The following MRPL42 variants were observed in gnomAD, a reference collection of about 807,000 sequenced individuals.
MRPL42 encodes mitochondrial ribosomal protein L42.
In MRPL42, 17 loss-of-function variants were observed where a neutral mutation model predicts 17.9. The observed-to-expected ratio is 0.95, with a 90% CI of 0.65 to 1.42. MRPL42 has a LOEUF of 1.42. Among genes scored for constraint, MRPL42 ranks in the 40% most tolerant of loss-of-function variants. The pLI is 0.00. For missense variants in MRPL42, 177 were observed against 175.2 expected, an observed-to-expected ratio of 1.01 and a Z score of -0.06; for synonymous variants, 59 against 54.4, an observed-to-expected ratio of 1.08 and a Z score of -0.37.
At chr12:93,491,456 G>T (rs1020811614) in intron 5 of MRPL42, among the ~76,000 whole-genome samples, 2 of 152,094 alleles carry the variant, frequency 1.3e-5, no homozygotes, top group African/African-American at 2.4e-5. Context: ...AAAGCAAATT[G>T]GTTGTCTTAT....
intron 4 of MRPL42, among the ~76,000 whole-genome samples, chr12:93,483,569 G>A (rs1275601641): frequency 6.6e-6 from 1 of 152,146 alleles, no homozygotes; most frequent in Non-Finnish European, 1.5e-5. Context: ...AAGATAAAAT[G>A]TAATATACCT....
intron 4 of MRPL42, 104 bp from the exon 5 acceptor site, chr12:93,487,393 C>T (rs1880794654): frequency 2.9e-6 from 3 of 1,044,598 alleles, no homozygotes; most frequent in Non-Finnish European, 4.2e-6. Flanking sequence ...CCCTAAAGTA[C>T]TATAGTGAAT....
Position 93,507,554 on chromosome 12 carries a change from C to T in MRPL42, c.*6333C>T, listed in dbSNP as rs1157596154. 1 of 152,176 alleles carries T rather than the reference C, an allele frequency of 6.6e-6. No homozygotes were observed. 9.4% of individuals were successfully genotyped at this position (152,176 alleles called of 1,614,324 possible). On this transcript the variant is annotated 3_prime_UTR_variant, in exon 6 of 6. Coordinates refer to ENST00000549982, the MANE Select transcript of MRPL42 (RefSeq NM_014050.4). ...TGCCAATTAACAAATCACCCCAAAG[C>T]TCATTGGCTTAAAACAACAATCTTT...
chr12:93,469,492 G>A (rs1289181152), intron 2 of MRPL42, 137 bp downstream of exon 2: 9 of 636,272 alleles, frequency 1.4e-5, no homozygotes, highest in Non-Finnish European at 2.4e-5. Flanking sequence ...AAACCTAAAT[G>A]TCAGTCAGAA....
rs552042053 is a variant in MRPL42 at position 93,481,551 on chromosome 12, A to C, written c.219+2079A>C. Among the ~76,000 whole-genome samples the C allele has an allele frequency of 3.3e-5, 5 of 152,276 alleles. No individual in the cohort carries two copies. The East Asian group carries it at 9.6e-4, about 29-fold the overall frequency. ...CCTCCACCACTCTGCACTTCCTTGA[A>C]TATTCTAAGCTTGCTGTCACACTTT... On this transcript the variant is annotated intron_variant, in intron 4 of 5. Coordinates refer to ENST00000549982, the MANE Select transcript of MRPL42 (RefSeq NM_014050.4).
At chr12:93,478,929 TATTTA>T (rs1409485274) in intron 3 of MRPL42, among the ~76,000 whole-genome samples, 6 of 150,182 alleles carry the variant, frequency 4.0e-5, no homozygotes, top group Non-Finnish European at 7.4e-5. Flanking sequence ...TTTATTTATT[TATTTA>T]TTTATTTATT....
At position 93,503,765 on chromosome 12, in the gene MRPL42, A is replaced by C. The variant is rs1953631652; in HGVS notation, c.*2544A>C. 6.6e-6 allele frequency: 1 copy of C among 151,974 alleles called. No homozygotes were observed. Among genetic ancestry groups the C allele is most frequent in the African/African-American group, 2.4e-5 (1 of 41,382 alleles). The allele number at this position is 151,974 out of a possible 1,614,324, so 9.4% of individuals were successfully genotyped here. A position where few individuals can be genotyped will look rare whatever the true frequency, so the allele number is the denominator to read the frequency against. ...TATTTCAAAAATAAAAATAGAGCTC[A>C]TAATATATGCTGTTTTGTAATGCTT... On this transcript the variant is annotated 3_prime_UTR_variant, in exon 6 of 6. Coordinates refer to ENST00000549982, the MANE Select transcript of MRPL42 (RefSeq NM_014050.4).
intron 1 of MRPL42, among the ~76,000 whole-genome samples, chr12:93,467,765 G>C (rs766670789): frequency 3.3e-5 from 5 of 152,210 alleles, no homozygotes; most frequent in Non-Finnish European, 7.3e-5. Flanking sequence ...GGACGCCCGT[G>C]GGGAGGTGAT....
In MRPL42 at chr12:93,507,821, T is replaced by C. The variant is rs7971151; in HGVS notation, c.*6600T>C. ...ACATGGCTTTAGGATTTCAAGAGTA[T>C]GAGATTGGGGCTGGGCATGATGACT... On this transcript the variant is annotated 3_prime_UTR_variant, in exon 6 of 6. Transcript: ENST00000549982. 0.71 allele frequency: 108,015 copies of C among 152,162 alleles called. 38,642 individuals carry two copies. Among genetic ancestry groups the C allele is most frequent in the African/African-American group, 0.76 (31,712 of 41,492 alleles). The allele number at this position is 152,162 out of a possible 1,614,324, so 9.4% of individuals were successfully genotyped here. A position where few individuals can be genotyped will look rare whatever the true frequency, so the allele number is the denominator to read the frequency against.
chr12:93,478,028 C>T (rs1880264565), intron 3 of MRPL42, among the ~76,000 whole-genome samples: 1 of 152,148 alleles, frequency 6.6e-6, no homozygotes, highest in Non-Finnish European at 1.5e-5. Context: ...ACAATCTCAG[C>T]TCACTGCAGC....
rs1468268813 is a variant in MRPL42 at position 93,505,180 on chromosome 12, G to A, written c.*3959G>A. The A allele has an allele frequency of 2.0e-5, 3 of 152,070 alleles. No homozygotes were observed. The highest frequency in any genetic ancestry group is 2.9e-5 in the Non-Finnish European group (2 of 68,028). 9.4% of individuals were successfully genotyped at this position (152,070 alleles called of 1,614,324 possible). Reference sequence around the variant, plus strand: ...TGTAGCTAAACACCTAATAACATTAGAACTGAAATGATAGTGATATGCAAG... The same window carrying A: ...TGTAGCTAAACACCTAATAACATTAAAACTGAAATGATAGTGATATGCAAG... On this transcript the variant is annotated 3_prime_UTR_variant, in exon 6 of 6. Transcript: ENST00000549982.
At chr12:93,471,816 T>C (rs1040332103) in intron 2 of MRPL42, among the ~76,000 whole-genome samples, 13 of 152,234 alleles carry the variant, frequency 8.5e-5, no homozygotes, top group African/African-American at 3.1e-4. Flanking sequence ...TTTGATTATC[T>C]AGGAGCATTT....
chr12:93,494,736 C>G (rs916271297), intron 5 of MRPL42, among the ~76,000 whole-genome samples: 2 of 152,040 alleles, frequency 1.3e-5, no homozygotes, highest in Admixed American at 1.3e-4. Flanking sequence ...GATTCCTGTC[C>G]TAGAGAATGG....
chr12:93,468,174 G>A (rs985570625), intron 1 of MRPL42, among the ~76,000 whole-genome samples: 2 of 152,158 alleles, frequency 1.3e-5, no homozygotes, highest in African/African-American at 4.8e-5. Context: ...TATGAAAGTG[G>A]GTTGTAAACT....
intron 3 of MRPL42, among the ~76,000 whole-genome samples, chr12:93,478,930 A>G (rs1420432347): frequency 6.8e-6 from 1 of 147,750 alleles, no homozygotes; most frequent in African/African-American, 2.5e-5. Context: ...TTATTTATTT[A>G]TTTATTTATT....
chr12:93,496,106 T>C (rs1052761051), intron 5 of MRPL42, among the ~76,000 whole-genome samples: 4 of 152,234 alleles, frequency 2.6e-5, no homozygotes, highest in Non-Finnish European at 5.9e-5. Context: ...TCACCTAGGC[T>C]GGAGCGCAGT....
At chr12:93,500,757 T>C (rs1026605954) in intron 5 of MRPL42, 1 of 153,046 alleles carries the variant, frequency 6.5e-6, no homozygotes. Context: ...GAAATTATCC[T>C]CAAGATATGA....
At position 93,510,032 on chromosome 12, in the gene MRPL42, A is replaced by T. The variant is rs1386114020; in HGVS notation, c.*8811A>T. 1 of 152,052 alleles carries T rather than the reference A, an allele frequency of 6.6e-6. No individual in the cohort carries two copies. The highest frequency in any genetic ancestry group is 1.5e-5 in the Non-Finnish European group (1 of 68,010). 9.4% of individuals were successfully genotyped at this position (152,052 alleles called of 1,614,324 possible). On this transcript the variant is annotated 3_prime_UTR_variant, in exon 6 of 6. Transcript: ENST00000549982. ...TGGGTTTGAACAAAGGTACAATGAC[A>T]TGTATCCATCTTTATAGTCATGCAG...
rs575688063 is a variant in MRPL42, at chr12:93,479,391, C to T, written c.138C>T (p.Asn46=). 61 of 1,603,196 alleles carry T rather than the reference C, an allele frequency of 3.8e-5. No individual in the cohort carries two copies. In the Middle Eastern group the frequency reaches 5.0e-4, roughly 13 times the overall value. The part of the protein sequence containing the change: ...YSPLPDDYNC[N]VELALTSDGR... Reference sequence around the variant, plus strand: ...TCTAAAACATTCTTTTTTTTAGCAACGTAGAGCTTGCTCTGACTTCTGATG... The same window carrying T: ...TCTAAAACATTCTTTTTTTTAGCAATGTAGAGCTTGCTCTGACTTCTGATG... The change falls in exon 4 of 6, where the codon AAC becomes AAT. Residue 46 remains asparagine, a synonymous_variant. Transcript: ENST00000549982.
Sources: allele counts gnomAD v4.1 joint callset (sites outside exome capture counted in the v4.1 genomes callset), GRCh38; gene constraint gnomAD v4.1.1; transcripts MANE v1.5; gene names NCBI Gene and HGNC (gene_info 2026-07-23, HGNC 2026-07-21).